Variants in ALKBH8 observed in about 807,000 individuals in gnomAD.
The protein encoded by ALKBH8 is tRNA (carboxymethyluridine(34)-5-O)-methyltransferase ALKBH8.
Under a neutral mutation model 59.8 loss-of-function variants are expected in ALKBH8, and 36 were observed. The observed-to-expected ratio is 0.60, with a 90% confidence interval of 0.46 to 0.79. ALKBH8 has a LOEUF of 0.79. ALKBH8 is among the 30% of genes least tolerant of loss of function. ALKBH8 has a pLI of 0.00. For synonymous variants in ALKBH8, 276 were observed against 273.6 expected (o/e 1.01, Z -0.09); for missense variants, 768 against 801.0 (o/e 0.96, Z 0.50).
chr11:107,531,987 T>C (rs1158568312), intron 8 of ALKBH8, among the ~76,000 whole-genome samples: 1 of 151,998 alleles, frequency 6.6e-6, no homozygotes, highest in Admixed American at 6.6e-5. Flanking sequence ...TACTCTAAAA[T>C]GATTCAGTAA....
chr11:107,503,351 A>G lies in ALKBH8; in HGVS notation c.*1307T>C, dbSNP rs1488138935. The G allele has an allele frequency of 6.6e-6, 1 of 152,160 alleles. No individual in the cohort carries two copies. Among genetic ancestry groups the G allele is most frequent in the African/African-American group, 2.4e-5 (1 of 41,448 alleles). 9.4% of individuals were successfully genotyped at this position (152,160 alleles called of 1,614,324 possible). On this transcript the variant is annotated 3_prime_UTR_variant, in exon 12 of 12. Coordinates refer to ENST00000428149, the MANE Select transcript of ALKBH8 (RefSeq NM_138775.3). ...TATTGATCACTATAGGTTTCTGAAA[A>G]CTTGATGCTTCAAGATTAAGTATCA... is the stretch of plus-strand genomic sequence containing the variant.
chr11:107,507,605 G>T (rs938895246), intron 11 of ALKBH8, among the ~76,000 whole-genome samples: 3 of 152,080 alleles, frequency 2.0e-5, no homozygotes, highest in African/African-American at 7.2e-5. Context: ...ATCCTGACAG[G>T]CCTGTGAGAT....
chr11:107,505,063 C>T lies in ALKBH8; in HGVS notation c.1590G>A (p.Glu530=), dbSNP rs928794967. ...GNRNSQGKKE[E]MNSDTSVQRS... ...TCTGCACTGAGGTATCACTGTTCAT[C>T]TCCTCTTTCTTTCCTTGGCTATTTC... Residue 530 remains glutamate, a synonymous_variant, in exon 12 of 12, where the codon GAG becomes GAA. Transcript: ENST00000428149. 2.6e-5 allele frequency: 40 copies of T among 1,551,560 alleles called. No individual in the cohort carries two copies. In the Middle Eastern group the frequency reaches 8.3e-4, roughly 32 times the overall value.
At chr11:107,565,183 G>A (rs1265443371) in intron 1 of ALKBH8, 1 of 187,178 alleles carries the variant, frequency 5.3e-6, no homozygotes, top group African/African-American at 2.3e-5. Flanking sequence ...GAGTCGCAGG[G>A]ATTGCTCAAA....
At chr11:107,561,457 A>G (rs1864935568) in intron 1 of ALKBH8, among the ~76,000 whole-genome samples, 1 of 152,142 alleles carries the variant, frequency 6.6e-6, no homozygotes. Context: ...AGGAAAGGAA[A>G]TTAACATGAA....
chr11:107,547,459 A>C (rs1864310459), intron 7 of ALKBH8, among the ~76,000 whole-genome samples: 1 of 152,228 alleles, frequency 6.6e-6, no homozygotes, highest in African/African-American at 2.4e-5. Context: ...GATACACCTG[A>C]AGGAGCCTTT....
intron 2 of ALKBH8, 53 bp downstream of exon 2, chr11:107,560,712 C>T: frequency 2.0e-6 from 3 of 1,492,438 alleles, no homozygotes; most frequent in Non-Finnish European, 2.7e-6. Context: ...TAATATAATA[C>T]ATTAACATGT....
At chr11:107,532,437 A>G (rs1372873165) in intron 7 of ALKBH8, 31 bp from the exon 8 acceptor site, 2 of 1,557,962 alleles carry the variant, frequency 1.3e-6, no homozygotes, top group South Asian at 2.2e-5. Flanking sequence ...ATAAAGATCA[A>G]TCCAAAATTT....
chr11:107,515,751 A>G (rs1199899525), intron 10 of ALKBH8, among the ~76,000 whole-genome samples: 1 of 152,204 alleles, frequency 6.6e-6, no homozygotes, highest in East Asian at 1.9e-4. Context: ...CCTGATAAGC[A>G]AAGGTGCAAA....
At chr11:107,511,665 G>T (rs894979496) in intron 10 of ALKBH8, among the ~76,000 whole-genome samples, 1 of 151,920 alleles carries the variant, frequency 6.6e-6, no homozygotes, top group African/African-American at 2.4e-5. Flanking sequence ...CAACCTCCAC[G>T]TCCTGGGTTC....
chr11:107,519,059 T>G (rs1286951809), intron 10 of ALKBH8, among the ~76,000 whole-genome samples: 1 of 152,152 alleles, frequency 6.6e-6, no homozygotes, highest in African/African-American at 2.4e-5. Flanking sequence ...CCCTCATCAC[T>G]GGGATTACAG....
intron 7 of ALKBH8, among the ~76,000 whole-genome samples, chr11:107,537,504 TGAG>T (rs1863867453): frequency 1.3e-5 from 2 of 151,046 alleles, no homozygotes; most frequent in Admixed American, 6.6e-5. Context: ...ACCTGAATGA[TGAG>T]AACACATGGA....
chr11:107,522,695 C>A, intron 9 of ALKBH8, 140 bp from the exon 10 acceptor site: 1 of 1,074,704 alleles, frequency 9.3e-7, no homozygotes, highest in African/African-American at 1.6e-5. Context: ...AGAAAAAGTT[C>A]TTCCCTAATA....
At chr11:107,509,265 G>A (rs1012301657) in intron 11 of ALKBH8, among the ~76,000 whole-genome samples, 3 of 152,186 alleles carry the variant, frequency 2.0e-5, no homozygotes, top group African/African-American at 7.2e-5. Flanking sequence ...GATTAGTGAT[G>A]CTGAGTATCT....
At chr11:107,563,607 C>T (rs1019817656) in intron 1 of ALKBH8, 1 of 152,116 alleles carries the variant, frequency 6.6e-6, no homozygotes, top group Non-Finnish European at 1.5e-5. Context: ...ATCTGAGGCC[C>T]TTCAAAGGAG....
intron 7 of ALKBH8, among the ~76,000 whole-genome samples, chr11:107,543,267 G>A (rs555486496): frequency 1.0e-3 from 157 of 151,706 alleles, no homozygotes; most frequent in African/African-American, 3.5e-3. Context: ...ACCCGGAGGC[G>A]GAGGTTGCAG....
chr11:107,549,524 G>C (rs563970540), intron 7 of ALKBH8, among the ~76,000 whole-genome samples: 1 of 152,248 alleles, frequency 6.6e-6, no homozygotes, highest in African/African-American at 2.4e-5. Context: ...TAAAAGTTTC[G>C]TGTAAAAAAT....
At chr11:107,527,632 T>C (rs997799893) in intron 8 of ALKBH8, among the ~76,000 whole-genome samples, 9 of 152,012 alleles carry the variant, frequency 5.9e-5, no homozygotes, top group African/African-American at 2.2e-4. Context: ...TAAATAGCAT[T>C]TTTATTTCAT....
At chr11:107,525,402 T>G in intron 9 of ALKBH8, 39 bp downstream of exon 9, 3 of 1,495,862 alleles carry the variant, frequency 2.0e-6, no homozygotes, top group Non-Finnish European at 2.7e-6. Flanking sequence ...TATATTAAAC[T>G]GACTCCATTT....
Sources: gnomAD v4.1 joint callset for allele counts (sites outside exome capture counted in the v4.1 genomes callset) on GRCh38, gnomAD v4.1.1 for gene constraint, MANE v1.5 for transcripts, NCBI Gene and HGNC (gene_info 2026-07-23, HGNC 2026-07-21) for gene names.